The following SH3D19 variants were observed in gnomAD, a reference collection of about 807,000 sequenced individuals.
The protein encoded by SH3D19 is SH3 domain containing 19, also known as SH3 domain-containing protein 19.
SH3D19 carries 58 observed loss-of-function variants against 112.1 expected under a neutral mutation model. That is an observed-to-expected ratio of 0.52 (90% CI 0.42 to 0.64). The LOEUF is 0.64. Ranked by LOEUF, SH3D19 falls within the 30% of genes least tolerant of loss-of-function variation. The pLI is 0.00. For synonymous variants in SH3D19, 391 were observed against 448.5 expected (o/e 0.87, Z 1.62); for missense variants, 1,090 against 1,263.4 (o/e 0.86, Z 2.08).
At chr4:151,279,226 C>G in intron 1 of SH3D19, 1 of 212,144 alleles carries the variant, frequency 4.7e-6, no homozygotes, top group Admixed American at 6.3e-5. Flanking sequence ...ATGTGGAAAT[C>G]TTTTTCTTTT....
chr4:151,204,064 C>T (rs1257090932), intron 2 of SH3D19, among the ~76,000 whole-genome samples: 1 of 152,036 alleles, frequency 6.6e-6, no homozygotes, highest in Non-Finnish European at 1.5e-5. Context: ...ATATATTTGT[C>T]ACAATGTGTT....
intron 7 of SH3D19, chr4:151,170,492 G>T (rs898812368): frequency 6.6e-6 from 1 of 151,952 alleles, no homozygotes; most frequent in Non-Finnish European, 1.5e-5. Context: ...CAATTTAAAA[G>T]GAAATAATGC....
intron 1 of SH3D19, chr4:151,283,134 G>A (rs749984580): frequency 7.4e-6 from 12 of 1,613,712 alleles, no homozygotes; most frequent in Non-Finnish European, 1.0e-5. Flanking sequence ...TTACCATTCT[G>A]CCCTTCAGGA....
At chr4:151,205,534 G>C (rs1764984737) in intron 2 of SH3D19, among the ~76,000 whole-genome samples, 1 of 152,120 alleles carries the variant, frequency 6.6e-6, no homozygotes, top group Non-Finnish European at 1.5e-5. Context: ...ATAATCACAT[G>C]TCAGTTTCCT....
At chr4:151,187,363 C>T in intron 3 of SH3D19, 60 bp downstream of exon 3, 1 of 1,024,624 alleles carries the variant, frequency 9.8e-7, no homozygotes, top group Non-Finnish European at 1.3e-6. Flanking sequence ...TGCTGGAAAT[C>T]TAAATCATCA....
In SH3D19 at chr4:151,285,803, T is replaced by C. The variant is rs923365008; in HGVS notation, c.112+39438A>G. Among the ~76,000 whole-genome samples the C allele has an allele frequency of 6.6e-5, 10 of 151,920 alleles. No homozygotes were observed. In the South Asian group the frequency reaches 2.1e-3, roughly 32 times the overall value. ...GATCCCTTGAGCCCAGAAGTTCACA[T>C]ATGTAGTGAGCTATGATCACACCAC... On this transcript the variant is annotated intron_variant, in intron 1 of 19. Coordinates refer to ENST00000604030, the MANE Select transcript of SH3D19 (RefSeq NM_001378122.1).
intron 1 of SH3D19, chr4:151,283,212 C>T: frequency 6.2e-7 from 1 of 1,613,824 alleles, no homozygotes; most frequent in Non-Finnish European, 8.5e-7. Flanking sequence ...TATCTTCTTG[C>T]CAGCACTGGA....
intron 1 of SH3D19, among the ~76,000 whole-genome samples, chr4:151,319,314 T>G (rs139860918): frequency 6.6e-6 from 1 of 152,240 alleles, no homozygotes; most frequent in Non-Finnish European, 1.5e-5. Context: ...CCTCCCAAAG[T>G]GCTGGGATTA....
intron 2 of SH3D19, among the ~76,000 whole-genome samples, chr4:151,209,183 C>T (rs564644054): frequency 6.6e-6 from 1 of 152,100 alleles, no homozygotes; most frequent in Non-Finnish European, 1.5e-5. Flanking sequence ...ATTCTAACCC[C>T]GTCAGCCTGA....
chr4:151,245,723 T>G (rs1309566398), intron 1 of SH3D19, among the ~76,000 whole-genome samples: 1 of 152,190 alleles, frequency 6.6e-6, no homozygotes, highest in African/African-American at 2.4e-5. Context: ...TGCCCCAGCC[T>G]CCTGAGTAGC....
chr4:151,167,514 A>T (rs1758246674), intron 7 of SH3D19, among the ~76,000 whole-genome samples: 1 of 152,104 alleles, frequency 6.6e-6, no homozygotes, highest in Non-Finnish European at 1.5e-5. Context: ...AAACAAACCC[A>T]GGATCATTTT....
intron 1 of SH3D19, among the ~76,000 whole-genome samples, chr4:151,234,735 G>GTTTGTTTTTTTTTT (rs1561387745): frequency 4.0e-5 from 1 of 25,080 alleles, no homozygotes; most frequent in African/African-American, 9.3e-5. Flanking sequence ...CCAAGTTTGT[G>GTTTGTTTTTTTTTT]TTTTTTTTTT....
chr4:151,273,605 A>AAAAAAAAT, intron 1 of SH3D19, among the ~76,000 whole-genome samples: 1 of 150,350 alleles, frequency 6.7e-6, no homozygotes, highest in Middle Eastern at 3.4e-3. Context: ...AAAAAAAAAA[A>AAAAAAAAT]AAAAAAAAAG....
intron 2 of SH3D19, among the ~76,000 whole-genome samples, chr4:151,195,953 T>C (rs1310386094): frequency 2.0e-5 from 3 of 151,716 alleles, no homozygotes; most frequent in African/African-American, 7.3e-5. Flanking sequence ...AAAAGAATTT[T>C]CTCAAACCGG....
In SH3D19 at chr4:151,161,111, T is replaced by C. The variant is rs1484513765; in HGVS notation, c.1643-1759A>G. ...ATCTGGTGTGAGTATGTGTGGGATG[T>C]GGAGGTAGGAGATTTCCAATTTTAA... is the stretch of plus-strand genomic sequence containing the variant. On this transcript the variant is annotated intron_variant, in intron 8 of 19. Coordinates refer to ENST00000604030, the MANE Select transcript of SH3D19 (RefSeq NM_001378122.1). Among the ~76,000 whole-genome samples, 3 of 152,034 alleles carry C rather than the reference T, an allele frequency of 2.0e-5. No individual in the cohort carries two copies. In the East Asian group the frequency reaches 5.8e-4, roughly 29 times the overall value.
chr4:151,207,093 G>A (rs527396848), intron 2 of SH3D19, among the ~76,000 whole-genome samples: 1 of 152,176 alleles, frequency 6.6e-6, no homozygotes, highest in Non-Finnish European at 1.5e-5. Context: ...GCCAAATGGG[G>A]TAGGACCACG....
At chr4:151,182,098 C>A (rs1262209265) in intron 3 of SH3D19, among the ~76,000 whole-genome samples, 1 of 152,036 alleles carries the variant, frequency 6.6e-6, no homozygotes, top group Non-Finnish European at 1.5e-5. Flanking sequence ...AAGCGATCTT[C>A]CTGCCTCAGC....
chr4:151,178,836 C>T (rs1355150477), intron 4 of SH3D19, among the ~76,000 whole-genome samples: 1 of 152,114 alleles, frequency 6.6e-6, no homozygotes, highest in East Asian at 1.9e-4. Context: ...TCCATCCATC[C>T]TTCTGTCCAT....
intron 12 of SH3D19, among the ~76,000 whole-genome samples, chr4:151,142,734 C>T (rs186260313): frequency 6.8e-4 from 103 of 152,044 alleles, no homozygotes; most frequent in Admixed American, 1.2e-3. Context: ...ACAACATATT[C>T]GTAGAGATAT....
Sources: gnomAD v4.1 joint callset for allele counts (sites outside exome capture counted in the v4.1 genomes callset) on GRCh38, gnomAD v4.1.1 for gene constraint, MANE v1.5 for transcripts, NCBI Gene and HGNC (gene_info 2026-07-23, HGNC 2026-07-21) for gene names.